HAPLN3: variants seen among roughly 807,000 people sequenced by gnomAD.
HAPLN3 encodes extracellular link domain containing, 1.
In HAPLN3, 28 loss-of-function variants were observed where a neutral mutation model predicts 28.1. That is an observed-to-expected ratio of 1.00 (90% CI 0.74 to 1.37). The LOEUF is 1.37. Ranked by LOEUF, HAPLN3 falls within the 40% of genes most tolerant of loss-of-function variation. The probability of loss-of-function intolerance (pLI) is 0.00; values close to 1 mark genes in which losing one functional copy is unlikely to be tolerated. For synonymous variants in HAPLN3, 211 were observed against 213.1 expected (o/e 0.99, Z 0.09); for missense variants, 513 against 504.6 (o/e 1.02, Z -0.16).
In HAPLN3 at chr15:88,878,233, G is replaced by C. The variant is rs765654824; in HGVS notation, c.820C>G (p.Pro274Ala). 9.3e-6 allele frequency: 15 copies of C among 1,613,476 alleles called. No individual in the cohort carries two copies. The highest frequency in any genetic ancestry group is 1.7e-5 in the Admixed American group (1 of 59,986). Reference sequence around the variant, plus strand: ...GCCTCTGTCAGCGTCAGCTTCTCAGGGTGCTCCAGGTAGTACACCCGCCCT... The same window carrying C: ...GCCTCTGTCAGCGTCAGCTTCTCAGCGTGCTCCAGGTAGTACACCCGCCCT... ...LKGRVYYLEH[P>A]EKLTLTEARE... The change falls in exon 5 of 5, where the codon CCT becomes GCT. Residue 274 changes from proline (P) to alanine (A), a missense_variant. Coordinates refer to ENST00000359595, the MANE Select transcript of HAPLN3 (RefSeq NM_178232.4).
rs944796528 is a variant in HAPLN3, at chr15:88,888,461, G to T, written c.-47-1116C>A. On this transcript the variant is annotated intron_variant, in intron 1 of 4. Coordinates refer to ENST00000359595, the MANE Select transcript of HAPLN3 (RefSeq NM_178232.4). This position sits in a 1 kb window ranked among gnomAD's most constrained non-coding sequence, Gnocchi z 4.1. ...CCAGTTTGGGTGGGCGCTCAAAAGA[G>T]GTAGCCAACCCATGGGCTGTAGTTT... Among the ~76,000 whole-genome samples, 25 of 152,040 alleles carry T rather than the reference G, an allele frequency of 1.6e-4. No individual in the cohort carries two copies. The highest frequency in any genetic ancestry group is 6.0e-4 in the African/African-American group (25 of 41,382).
At position 88,881,739 on chromosome 15, in the gene HAPLN3, C is replaced by G. The variant is rs184578202; in HGVS notation, c.125-14G>C. On this transcript the variant is annotated splice_polypyrimidine_tract_variant and intron_variant, in intron 2 of 4. Transcript: ENST00000359595. This position sits in a 1 kb window ranked among gnomAD's most constrained non-coding sequence, Gnocchi z 6.0. ...CATTAAGGAGGTCTTGGGGGAGAGA[C>G]AGGGTGCAGATGAGACCTGCTGAAG... 1.2e-6 allele frequency: 2 copies of G among 1,600,956 alleles called. No individual in the cohort carries two copies. Among genetic ancestry groups the G allele is most frequent in the South Asian group, 1.1e-5 (1 of 89,172 alleles).
rs1185027381 is a variant in HAPLN3 at position 88,879,493 on chromosome 15, G to A, written c.494-224C>T. ...ACTCAGAAAACATCCATGAGTTAAGGTAATTAATTAGTCCATTAATGTCCC... is the reference window on the plus strand; with the variant it reads ...ACTCAGAAAACATCCATGAGTTAAGATAATTAATTAGTCCATTAATGTCCC... On this transcript the variant is annotated intron_variant, in intron 3 of 4. Transcript: ENST00000359595. The surrounding 1 kb of genome is among the most constrained non-coding windows in gnomAD (Gnocchi z 5.0). 9 of 1,523,472 alleles carry A rather than the reference G, an allele frequency of 5.9e-6. No individual in the cohort carries two copies. The highest frequency in any genetic ancestry group is 7.9e-6 in the Non-Finnish European group (9 of 1,139,466). 94.4% of individuals were successfully genotyped at this position (1,523,472 alleles called of 1,614,324 possible). A position where few individuals can be genotyped will look rare whatever the true frequency, so the allele number is the denominator to read the frequency against.
In HAPLN3 at chr15:88,879,586, C is replaced by T. The variant is rs1897640627; in HGVS notation, c.494-317G>A. On this transcript the variant is annotated intron_variant, in intron 3 of 4. Coordinates refer to ENST00000359595, the MANE Select transcript of HAPLN3 (RefSeq NM_178232.4). The surrounding 1 kb of genome is among the most constrained non-coding windows in gnomAD (Gnocchi z 5.0). Reference sequence around the variant, plus strand: ...CCCAGTGAGGCTGTGCCATCTTCTCCAGACAGGCCCGGGCTTTGGGCTCTA... The same window carrying T: ...CCCAGTGAGGCTGTGCCATCTTCTCTAGACAGGCCCGGGCTTTGGGCTCTA... 7.4e-7 allele frequency: 1 copy of T among 1,343,492 alleles called. No individual in the cohort carries two copies. The highest frequency in any genetic ancestry group is 1.3e-5 in the South Asian group (1 of 78,516). 83.2% of individuals were successfully genotyped at this position (1,343,492 alleles called of 1,614,324 possible). A position where few individuals can be genotyped will look rare whatever the true frequency, so the allele number is the denominator to read the frequency against.
chr15:88,886,088 G>T (rs983860767), intron 2 of HAPLN3, among the ~76,000 whole-genome samples: 1 of 152,062 alleles, frequency 6.6e-6, no homozygotes, highest in African/African-American at 2.4e-5. Context: ...GTTGGCTCAC[G>T]CCTGTAATCC....
rs890794523 is a variant in HAPLN3, at chr15:88,881,848, C to T, written c.125-123G>A. The T allele has an allele frequency of 5.4e-6, 5 of 924,422 alleles. No homozygotes were observed. Among genetic ancestry groups the T allele is most frequent in the African/African-American group, 1.7e-5 (1 of 60,344 alleles). The allele number at this position is 924,422 out of a possible 1,614,324, so 57.3% of individuals were successfully genotyped here. Reference sequence around the variant, plus strand: ...AGATTGCAAAAATGGCCACCATGCTCCACCCCTCCCTGTATCCACATGCTC... The same window carrying T: ...AGATTGCAAAAATGGCCACCATGCTTCACCCCTCCCTGTATCCACATGCTC... On this transcript the variant is annotated intron_variant, in intron 2 of 4. Coordinates refer to ENST00000359595, the MANE Select transcript of HAPLN3 (RefSeq NM_178232.4). This position sits in a 1 kb window ranked among gnomAD's most constrained non-coding sequence, Gnocchi z 6.0.
chr15:88,894,576 G>A (rs1292728164), intron 1 of HAPLN3, among the ~76,000 whole-genome samples: 1 of 120,846 alleles, frequency 8.3e-6, no homozygotes, highest in African/African-American at 4.0e-5. Context: ...ATGAAAACCG[G>A]AGGTGTTTCC....
intron 2 of HAPLN3, among the ~76,000 whole-genome samples, chr15:88,885,107 AG>A (rs1897812978): frequency 6.6e-6 from 1 of 152,272 alleles, no homozygotes; most frequent in South Asian, 2.1e-4. Flanking sequence ...ATGCCTCTGC[AG>A]GCACAATCAT....
At chr15:88,878,611 C>T (rs767905720) in intron 4 of HAPLN3, among the ~76,000 whole-genome samples, 80 of 152,196 alleles carry the variant, frequency 5.3e-4, no homozygotes, top group Non-Finnish European at 1.0e-3. Context: ...TGACACTGAA[C>T]CAGTTTCTGT....
In HAPLN3 at chr15:88,879,932, T is replaced by C; in HGVS notation, c.494-663A>G. ...AAAAAGTTTTTAAACTTCTGAGATGTAGTCTCTACCAAGTCAATGAAACCT... is the reference window on the plus strand; with the variant it reads ...AAAAAGTTTTTAAACTTCTGAGATGCAGTCTCTACCAAGTCAATGAAACCT... On this transcript the variant is annotated intron_variant, in intron 3 of 4. Transcript: ENST00000359595. This position sits in a 1 kb window ranked among gnomAD's most constrained non-coding sequence, Gnocchi z 5.0. 1 of 1,013,482 alleles carries C rather than the reference T, an allele frequency of 9.9e-7. No individual in the cohort carries two copies. Among genetic ancestry groups the C allele is most frequent in the Non-Finnish European group, 1.2e-6 (1 of 846,664 alleles). The allele number at this position is 1,013,482 out of a possible 1,614,324, so 62.8% of individuals were successfully genotyped here.
chr15:88,885,497 G>A (rs576620689), intron 2 of HAPLN3, among the ~76,000 whole-genome samples: 29 of 122,092 alleles, frequency 2.4e-4, no homozygotes, highest in South Asian at 1.1e-3. Flanking sequence ...TCACTTTGTC[G>A]TTCAGGCTGG....
intron 1 of HAPLN3, 96 bp from the exon 2 acceptor site, chr15:88,887,441 C>G (rs1378803250): frequency 1.7e-6 from 2 of 1,152,862 alleles, no homozygotes; most frequent in African/African-American, 1.5e-5. Flanking sequence ...TGCTCAACAG[C>G]TCACTGCGGG....
In HAPLN3 at chr15:88,877,897, C is replaced by A; in HGVS notation, c.*73G>T. 7.1e-7 allele frequency: 1 copy of A among 1,417,148 alleles called. No homozygotes were observed. The highest frequency in any genetic ancestry group is 1.4e-5 in the African/African-American group (1 of 69,560). 87.8% of individuals were successfully genotyped at this position (1,417,148 alleles called of 1,614,324 possible). On this transcript the variant is annotated 3_prime_UTR_variant, in exon 5 of 5. Transcript: ENST00000359595. This position sits in a 1 kb window ranked among gnomAD's most constrained non-coding sequence, Gnocchi z 5.1. ...ATAAAAACAGTTAAAATGGCTCCAA[C>A]CCACAAGGGAAAACGAACCACTCAA...
intron 1 of HAPLN3, chr15:88,892,940 C>G: frequency 6.5e-7 from 1 of 1,532,740 alleles, no homozygotes; most frequent in Non-Finnish European, 8.7e-7. Flanking sequence ...GTGCCACCAG[C>G]TGGAAGGCCC....
At chr15:88,886,371 A>T (rs1387756719) in intron 2 of HAPLN3, among the ~76,000 whole-genome samples, 1 of 146,996 alleles carries the variant, frequency 6.8e-6, no homozygotes, top group African/African-American at 2.6e-5. Context: ...AAAAAAAGGT[A>T]TATTTTCACC....
At position 88,880,366 on chromosome 15, in the gene HAPLN3, G is replaced by A; in HGVS notation, c.493+991C>T. On this transcript the variant is annotated intron_variant, in intron 3 of 4. Transcript: ENST00000359595. The surrounding 1 kb of genome is among the most constrained non-coding windows in gnomAD (Gnocchi z 6.0). ...CACCATGTAAGCCATGTGGACACTG[G>A]TGGCAAAGACAGAGAACGCATTTTA... 11 of 1,122,974 alleles carry A rather than the reference G, an allele frequency of 9.8e-6. No individual in the cohort carries two copies. The highest frequency in any genetic ancestry group is 2.0e-5 in the South Asian group (1 of 51,256). The allele number at this position is 1,122,974 out of a possible 1,614,324, so 69.6% of individuals were successfully genotyped here.
chr15:88,883,616 A>G lies in HAPLN3; in HGVS notation c.125-1891T>C, dbSNP rs539493928. On this transcript the variant is annotated intron_variant, in intron 2 of 4. Transcript: ENST00000359595. ...TTTAACCTGAATAAAATGAAAATGT[A>G]CATCCATATGATAAAATACTATACA... Among the ~76,000 whole-genome samples, 7 of 152,388 alleles carry G rather than the reference A, an allele frequency of 4.6e-5. No individual in the cohort carries two copies. In the South Asian group the frequency reaches 1.4e-3, roughly 32 times the overall value.
Position 88,879,707 on chromosome 15 carries a change from A to AAT in HAPLN3, c.494-439_494-438insAT. On this transcript the variant is annotated intron_variant, in intron 3 of 4. Coordinates refer to ENST00000359595, the MANE Select transcript of HAPLN3 (RefSeq NM_178232.4). The surrounding 1 kb of genome is among the most constrained non-coding windows in gnomAD (Gnocchi z 5.0). ...GAAATTTCCTAGGAAAATGCAAGGA[A>AAT]CTTTCCACGTGTGGCAGATGATTTT... is the stretch of plus-strand genomic sequence containing the variant. 1 of 1,177,812 alleles carries AAT rather than the reference A, an allele frequency of 8.5e-7. No individual in the cohort carries two copies. The highest frequency in any genetic ancestry group is 1.1e-6 in the Non-Finnish European group (1 of 936,712). The allele number at this position is 1,177,812 out of a possible 1,614,324, so 73.0% of individuals were successfully genotyped here.
chr15:88,879,588 G>A lies in HAPLN3; in HGVS notation c.494-319C>T. On this transcript the variant is annotated intron_variant, in intron 3 of 4. Coordinates refer to ENST00000359595, the MANE Select transcript of HAPLN3 (RefSeq NM_178232.4). The surrounding 1 kb of genome is among the most constrained non-coding windows in gnomAD (Gnocchi z 5.0). Reference sequence around the variant, plus strand: ...CAGTGAGGCTGTGCCATCTTCTCCAGACAGGCCCGGGCTTTGGGCTCTAGG... The same window carrying A: ...CAGTGAGGCTGTGCCATCTTCTCCAAACAGGCCCGGGCTTTGGGCTCTAGG... 7.4e-7 allele frequency: 1 copy of A among 1,349,320 alleles called. No individual in the cohort carries two copies. The highest frequency in any genetic ancestry group is 1.5e-5 in the African/African-American group (1 of 68,590). The allele number at this position is 1,349,320 out of a possible 1,614,324, so 83.6% of individuals were successfully genotyped here.
Sources: gnomAD v4.1 joint callset for allele counts (sites outside exome capture counted in the v4.1 genomes callset) on GRCh38, gnomAD v4.1.1 for gene constraint, Gnocchi (gnomAD v3.1) non-coding constraint, MANE v1.5 for transcripts, NCBI Gene and HGNC (gene_info 2026-07-23, HGNC 2026-07-21) for gene names.